Variants in PDE9A observed in about 807,000 individuals in gnomAD.
PDE9A encodes the protein phosphodiesterase 9A, also known as high affinity cGMP-specific 3',5'-cyclic phosphodiesterase 9A.
A neutral mutation model predicts 87.4 loss-of-function variants in PDE9A; 60 were observed. That is an observed-to-expected ratio of 0.69 (90% CI 0.56 to 0.85). The LOEUF (loss-of-function observed/expected upper bound fraction) is 0.85, where lower values mean the gene tolerates loss of function less well. Ranked by LOEUF, PDE9A falls within the 40% of genes least tolerant of loss-of-function variation. The probability of loss-of-function intolerance (pLI) is 0.00; values close to 1 mark genes in which losing one functional copy is unlikely to be tolerated. For missense variants in PDE9A, 665 were observed against 779.0 expected (o/e 0.85, Z 1.74); for synonymous variants, 272 against 279.4 (o/e 0.97, Z 0.27).
rs1387046765 is a variant in PDE9A at position 42,659,522 on chromosome 21, C to T, written c.69+5639C>T. On this transcript the variant is annotated intron_variant, in intron 1 of 19. Coordinates refer to ENST00000291539, the MANE Select transcript of PDE9A (RefSeq NM_002606.3). This position sits in a 1 kb window ranked among gnomAD's most constrained non-coding sequence, Gnocchi z 4.1. ...GAGCAATGGGGTGAAGTTTCCAGAG[C>T]AGGGCAGGGCATGTGGGGAGGCTCA... 6.6e-6 allele frequency among the ~76,000 whole-genome samples: 1 copy of T among 152,226 alleles called. No individual in the cohort carries two copies. Among genetic ancestry groups the T allele is most frequent in the East Asian group, 1.9e-4 (1 of 5,196 alleles).
At chr21:42,771,555 A>T (rs376748402) in intron 18 of PDE9A, among the ~76,000 whole-genome samples, 1 of 151,812 alleles carries the variant, frequency 6.6e-6, no homozygotes, top group Admixed American at 6.6e-5. Context: ...CCCGCTCCCC[A>T]CAGTGCCACT....
intron 4 of PDE9A, among the ~76,000 whole-genome samples, chr21:42,709,742 G>A (rs1349385872): frequency 6.6e-6 from 1 of 152,136 alleles, no homozygotes. Context: ...TGGGGTGTGA[G>A]GCACAATCAT....
At chr21:42,762,014 T>C in intron 13 of PDE9A, 69 bp from the exon 14 acceptor site, 1 of 1,466,756 alleles carries the variant, frequency 6.8e-7, no homozygotes, top group Admixed American at 1.8e-5. Flanking sequence ...CATGGCTGGG[T>C]GTTGCTCCCC....
chr21:42,749,525 G>A (rs74727010), intron 8 of PDE9A, among the ~76,000 whole-genome samples: 1,617 of 152,322 alleles, frequency 0.011, 29 homozygotes, highest in African/African-American at 0.036. Context: ...CTGCCCAACC[G>A]GAAGGTGGCT....
chr21:42,682,092 C>G lies in PDE9A; in HGVS notation c.70-4100C>G, dbSNP rs374434643. ...CCCAAACTCGCACCCACTTTGGCGC[C>G]GCTGGAGACTAATGAACAGCAAAAG... On this transcript the variant is annotated intron_variant, in intron 1 of 19. Transcript: ENST00000291539. Among the ~76,000 whole-genome samples the G allele has an allele frequency of 1.2e-4, 18 of 152,338 alleles. No individual in the cohort carries two copies. In the East Asian group the frequency reaches 2.9e-3, roughly 24 times the overall value.
intron 1 of PDE9A, among the ~76,000 whole-genome samples, chr21:42,662,091 C>T (rs8131179): frequency 0.43 from 65,101 of 152,060 alleles, 17,720 homozygotes; most frequent in African/African-American, 0.78. Flanking sequence ...GGCTAATACG[C>T]GTCAAATGCT....
intron 1 of PDE9A, among the ~76,000 whole-genome samples, chr21:42,669,994 G>A (rs1308708619): frequency 6.6e-6 from 1 of 152,086 alleles, no homozygotes; most frequent in Non-Finnish European, 1.5e-5. Context: ...TAATGTGGGT[G>A]CTTCAACAGA....
chr21:42,735,525 C>T (rs1602348032), intron 7 of PDE9A, among the ~76,000 whole-genome samples: 2 of 152,204 alleles, frequency 1.3e-5, no homozygotes, highest in Non-Finnish European at 2.9e-5. Context: ...CTGAGGGGCC[C>T]TGGTTCCATG....
rs2050101543 is a variant in PDE9A at position 42,717,875 on chromosome 21, T to C, written c.263-13895T>C. ...ATTATTCCTCTGTATGAAGTGTGTC[T>C]TTCTTCTCTGGCTGCTTTCTTTGGG... On this transcript the variant is annotated intron_variant, in intron 4 of 19. Coordinates refer to ENST00000291539, the MANE Select transcript of PDE9A (RefSeq NM_002606.3). Among the ~76,000 whole-genome samples, 2 of 151,406 alleles carry C rather than the reference T, an allele frequency of 1.3e-5. 1 individual carries two copies. The highest frequency in any genetic ancestry group is 4.8e-5 in the African/African-American group (2 of 41,254).
At chr21:42,689,452 T>C (rs1403636766) in intron 3 of PDE9A, 1 of 781,138 alleles carries the variant, frequency 1.3e-6, no homozygotes, top group East Asian at 1.3e-4. Flanking sequence ...GCCTGGGGGG[T>C]CTCGCTCAGA....
At chr21:42,737,425 A>G (rs1026425383) in intron 7 of PDE9A, among the ~76,000 whole-genome samples, 2 of 152,122 alleles carry the variant, frequency 1.3e-5, no homozygotes, top group Admixed American at 6.5e-5. Flanking sequence ...TCTGCTATAC[A>G]TGAGCTGCTG....
At chr21:42,701,905 G>A (rs2048416589) in intron 4 of PDE9A, among the ~76,000 whole-genome samples, 2 of 152,044 alleles carry the variant, frequency 1.3e-5, no homozygotes, top group Admixed American at 6.6e-5. Flanking sequence ...TTTTCCCTCT[G>A]GCAACTTAAG....
intron 4 of PDE9A, among the ~76,000 whole-genome samples, chr21:42,710,600 A>C (rs930683357): frequency 2.0e-5 from 3 of 152,136 alleles, no homozygotes; most frequent in Non-Finnish European, 4.4e-5. Context: ...TTATAGTTTT[A>C]ATTTGCATTT....
In PDE9A at chr21:42,718,762, G is replaced by A. The variant is rs552849953; in HGVS notation, c.263-13008G>A. Among the ~76,000 whole-genome samples the A allele has an allele frequency of 2.9e-4, 44 of 151,800 alleles. 3 individuals are homozygous for A. The South Asian group carries it at 9.1e-3, about 31-fold the overall frequency. ...CATTTTGGCATCTGAGCCGGCAAGC[G>A]TCCAGGGTGTCTGAGGGATGATTTT... On this transcript the variant is annotated intron_variant, in intron 4 of 19. Transcript: ENST00000291539.
At chr21:42,737,280 C>T (rs1453873691) in intron 7 of PDE9A, among the ~76,000 whole-genome samples, 1 of 152,266 alleles carries the variant, frequency 6.6e-6, no homozygotes, top group Non-Finnish European at 1.5e-5. Flanking sequence ...TGCACATGCA[C>T]TCACATATAC....
At chr21:42,686,135 C>T (rs865871551) in intron 1 of PDE9A, 57 bp from the exon 2 acceptor site, 1 of 1,321,986 alleles carries the variant, frequency 7.6e-7, no homozygotes, top group Non-Finnish European at 1.1e-6. Flanking sequence ...TGGCGTCTGA[C>T]GTCTCCAGGG....
At chr21:42,732,246 G>A in intron 6 of PDE9A, 122 bp downstream of exon 6, 1 of 917,636 alleles carries the variant, frequency 1.1e-6, no homozygotes, top group Admixed American at 2.1e-5. Flanking sequence ...CACCTGCCTG[G>A]AGGAGCTGCC....
At chr21:42,749,487 C>A (rs1397528422) in intron 8 of PDE9A, among the ~76,000 whole-genome samples, 1 of 152,220 alleles carries the variant, frequency 6.6e-6, no homozygotes, top group Non-Finnish European at 1.5e-5. Flanking sequence ...CTCATTCAGC[C>A]TCTGGGGACC....
At chr21:42,755,438 A>G (rs531965536) in intron 10 of PDE9A, among the ~76,000 whole-genome samples, 5 of 152,320 alleles carry the variant, frequency 3.3e-5, no homozygotes, top group African/African-American at 1.2e-4. Context: ...GGCCAGTCCC[A>G]GGGGCTGCAC....
Sources: gnomAD v4.1 joint callset for allele counts (sites outside exome capture counted in the v4.1 genomes callset) on GRCh38, gnomAD v4.1.1 for gene constraint, Gnocchi (gnomAD v3.1) non-coding constraint, MANE v1.5 for transcripts, NCBI Gene and HGNC (gene_info 2026-07-23, HGNC 2026-07-21) for gene names.